Variants in RAD51B observed in about 807,000 individuals in gnomAD.
RAD51B encodes RAD51 paralog B.
RAD51B carries 38 observed loss-of-function variants against 42.2 expected under a neutral mutation model. The ratio of observed to expected loss-of-function variants is 0.90; its 90% CI spans 0.70 to 1.18. The LOEUF (loss-of-function observed/expected upper bound fraction) is 1.18. Ranked by LOEUF, RAD51B falls within the 50% of genes most tolerant of loss-of-function variation. RAD51B has a pLI of 0.00. For synonymous variants in RAD51B, 154 were observed against 145.2 expected (o/e 1.06, Z -0.43); for missense variants, 373 against 400.7 (o/e 0.93, Z 0.59).
At chr14:68,339,301 G>A in intron 8 of RAD51B, 2 of 895,806 alleles carry the variant, frequency 2.2e-6, no homozygotes, top group Non-Finnish European at 1.8e-6. Context: ...ATGGCAGGAG[G>A]CACTTACATC....
At chr14:68,654,447 C>A (rs551207244) in intron 11 of RAD51B, among the ~76,000 whole-genome samples, 1 of 152,308 alleles carries the variant, frequency 6.6e-6, no homozygotes. Context: ...CCCCCCACCC[C>A]CTTTAGGAAT....
intron 7 of RAD51B, among the ~76,000 whole-genome samples, chr14:68,208,284 A>G (rs1383057499): frequency 6.6e-6 from 1 of 152,206 alleles, no homozygotes; most frequent in Non-Finnish European, 1.5e-5. Context: ...GGTAAAGGTT[A>G]TAGTAATGGT....
chr14:68,507,009 A>G (rs1420152382), intron 10 of RAD51B, among the ~76,000 whole-genome samples: 1 of 152,138 alleles, frequency 6.6e-6, no homozygotes, highest in African/African-American at 2.4e-5. Flanking sequence ...TATACAGGAC[A>G]CAAGATGTGC....
intron 7 of RAD51B, among the ~76,000 whole-genome samples, chr14:68,076,735 G>T (rs982956269): frequency 1.6e-4 from 24 of 152,150 alleles, no homozygotes; most frequent in Non-Finnish European, 2.8e-4. Context: ...TATTGAAACA[G>T]CTGTAAAGAG....
At chr14:68,365,619 C>T (rs1249151067) in intron 8 of RAD51B, among the ~76,000 whole-genome samples, 5 of 152,210 alleles carry the variant, frequency 3.3e-5, no homozygotes, top group Non-Finnish European at 7.4e-5. Flanking sequence ...CCAGTGTGAT[C>T]TACAAGTTCT....
At chr14:68,181,322 G>C (rs2079057235) in intron 7 of RAD51B, among the ~76,000 whole-genome samples, 1 of 152,170 alleles carries the variant, frequency 6.6e-6, no homozygotes, top group South Asian at 2.1e-4. Flanking sequence ...AGCGGATTGT[G>C]GGAAGCATCT....
chr14:68,351,822 G>A (rs2082796553), intron 8 of RAD51B, among the ~76,000 whole-genome samples: 1 of 152,212 alleles, frequency 6.6e-6, no homozygotes, highest in Non-Finnish European at 1.5e-5. Flanking sequence ...AAAAGATGGG[G>A]TAAGGTAATG....
intron 8 of RAD51B, among the ~76,000 whole-genome samples, chr14:68,329,254 T>G (rs1295350848): frequency 6.6e-6 from 1 of 152,194 alleles, no homozygotes; most frequent in African/African-American, 2.4e-5. Flanking sequence ...GCCATCCTCC[T>G]GCCTTAGCCT....
At chr14:68,595,256 C>A (rs1394302580) in exon 11 of RAD51B, 15 of 1,060,102 alleles carry the variant, frequency 1.4e-5, no homozygotes, top group Non-Finnish European at 1.7e-5. Flanking sequence ...TACATGCTTC[C>A]AGTTGCTTCT....
chr14:68,655,130 A>AGAGT (rs10628076), intron 11 of RAD51B, among the ~76,000 whole-genome samples: 2 of 150,258 alleles, frequency 1.3e-5, no homozygotes, highest in Admixed American at 6.6e-5. Context: ...GCAAATGGTG[A>AGAGT]GTGTGTGTGT....
chr14:67,981,625 T>TA (rs1294679540), intron 7 of RAD51B, among the ~76,000 whole-genome samples: 2 of 152,176 alleles, frequency 1.3e-5, no homozygotes, highest in Non-Finnish European at 2.9e-5. Flanking sequence ...CTATTTACAA[T>TA]AAAAATGAAT....
At chr14:68,421,792 C>T in intron 9 of RAD51B, 2 of 1,598,644 alleles carry the variant, frequency 1.3e-6, no homozygotes, top group East Asian at 4.5e-5. Context: ...ATATTCGTGC[C>T]TTCTTTCACT....
intron 7 of RAD51B, among the ~76,000 whole-genome samples, chr14:67,938,198 G>A (rs1362621765): frequency 6.6e-6 from 1 of 152,184 alleles, no homozygotes; most frequent in Non-Finnish European, 1.5e-5. Flanking sequence ...TAACTGTTAA[G>A]CCTTCTGGAA....
At chr14:68,121,772 G>T (rs1052087967) in intron 7 of RAD51B, among the ~76,000 whole-genome samples, 1 of 152,050 alleles carries the variant, frequency 6.6e-6, no homozygotes, top group African/African-American at 2.4e-5. Flanking sequence ...AAAAATAAAA[G>T]AATTCATAAT....
At chr14:68,387,872 A>T (rs898390668) in intron 8 of RAD51B, among the ~76,000 whole-genome samples, 1 of 152,200 alleles carries the variant, frequency 6.6e-6, no homozygotes, top group African/African-American at 2.4e-5. Flanking sequence ...ATATGCACTG[A>T]ATTTCAAGGA....
At chr14:68,185,347 T>C (rs977111451) in intron 7 of RAD51B, among the ~76,000 whole-genome samples, 3 of 152,230 alleles carry the variant, frequency 2.0e-5, no homozygotes, top group African/African-American at 7.2e-5. Flanking sequence ...TGCAAATTCT[T>C]GAATCTCTTG....
chr14:68,063,325 G>A (rs558251292), intron 7 of RAD51B, among the ~76,000 whole-genome samples: 5 of 152,014 alleles, frequency 3.3e-5, no homozygotes, highest in Non-Finnish European at 7.4e-5. Context: ...GTTGGAGGTG[G>A]GGCCCACTGG....
At chr14:67,872,783 C>T (rs1464402533) in intron 5 of RAD51B, among the ~76,000 whole-genome samples, 22 of 150,268 alleles carry the variant, frequency 1.5e-4, no homozygotes, top group African/African-American at 4.9e-4. Flanking sequence ...GAAATAATGC[C>T]GCATATCTAC....
chr14:68,199,098 T>C (rs924618026), intron 7 of RAD51B, among the ~76,000 whole-genome samples: 1 of 152,218 alleles, frequency 6.6e-6, no homozygotes, highest in African/African-American at 2.4e-5. Flanking sequence ...TCTCTACTTA[T>C]TCCTCGCATG....
Sources: allele counts gnomAD v4.1 joint callset (sites outside exome capture counted in the v4.1 genomes callset), GRCh38; gene constraint gnomAD v4.1.1; transcripts MANE v1.5; gene names NCBI Gene and HGNC (gene_info 2026-07-23, HGNC 2026-07-21).